The following SNTB2 variants were observed in gnomAD, a reference collection of about 807,000 sequenced individuals.
The protein encoded by SNTB2 is beta-2-syntrophin.
Under a neutral mutation model 46.2 loss-of-function variants are expected in SNTB2, and 34 were observed. The observed-to-expected ratio is 0.74, with a 90% confidence interval of 0.56 to 0.98. SNTB2 has a LOEUF of 0.98. Ranked by LOEUF, SNTB2 falls within the 50% of genes least tolerant of loss-of-function variation. The pLI is 0.00. For synonymous variants in SNTB2, 290 were observed against 312.6 expected (o/e 0.93, Z 0.76); for missense variants, 603 against 731.4 (o/e 0.82, Z 2.02).
rs115316115 is a variant in SNTB2, at chr16:69,207,270, C to T, written c.580+19524C>T. On this transcript the variant is annotated intron_variant, in intron 1 of 6. Coordinates refer to ENST00000336278, the MANE Select transcript of SNTB2 (RefSeq NM_006750.4). ...ACTGGTTCAAGTGATTCTCCTGCCT[C>T]GGCTTCCCGAGTAGCTTGGACTATA... is the stretch of plus-strand genomic sequence containing the variant. 4.8e-3 allele frequency among the ~76,000 whole-genome samples: 726 copies of T among 151,424 alleles called. 3 individuals carry two copies. The highest frequency in any genetic ancestry group is 0.017 in the African/African-American group (708 of 41,196).
intron 5 of SNTB2, among the ~76,000 whole-genome samples, chr16:69,293,522 A>T (rs747099870): frequency 4.6e-5 from 7 of 152,208 alleles, no homozygotes; most frequent in Non-Finnish European, 1.0e-4. Flanking sequence ...GGCAGATTGC[A>T]GAGGTCTGAG....
At chr16:69,195,582 G>A (rs1033963371) in intron 1 of SNTB2, among the ~76,000 whole-genome samples, 1 of 151,986 alleles carries the variant, frequency 6.6e-6, no homozygotes, top group Non-Finnish European at 1.5e-5. Flanking sequence ...GGGATCCAAA[G>A]GCTCAAATTA....
chr16:69,286,835 A>C (rs1218406524), intron 5 of SNTB2, among the ~76,000 whole-genome samples: 1 of 152,148 alleles, frequency 6.6e-6, no homozygotes, highest in Non-Finnish European at 1.5e-5. Flanking sequence ...CAAGCCTGTG[A>C]ATAGCCACTG....
chr16:69,284,049 T>C lies in SNTB2; in HGVS notation c.1150T>C (p.Leu384=), dbSNP rs1965076036. 1.2e-6 allele frequency: 2 copies of C among 1,609,896 alleles called. No individual in the cohort carries two copies. Among genetic ancestry groups the C allele is most frequent in the Non-Finnish European group, 1.7e-6 (2 of 1,177,336 alleles). Reference sequence around the variant, plus strand: ...TCTCTGCTCTGTTTGTGGTCCTAGGTTGGTTCATTCTGGCTCCGGATGTCG... The same window carrying C: ...TCTCTGCTCTGTTTGTGGTCCTAGGCTGGTTCATTCTGGCTCCGGATGTCG... ...CHSYPLVATR[L]VHSGSGCRSP... Residue 384 remains leucine (L), a splice_region_variant and synonymous_variant, in exon 5 of 7, where the codon TTG becomes CTG. Transcript: ENST00000336278.
chr16:69,259,706 C>A (rs985572851), intron 2 of SNTB2, among the ~76,000 whole-genome samples: 17 of 148,926 alleles, frequency 1.1e-4, no homozygotes, highest in African/African-American at 3.2e-4. Flanking sequence ...TGGGGTCAAG[C>A]GATTCTCCTG....
At position 69,291,727 on chromosome 16, in the gene SNTB2, A is replaced by G. The variant is rs554943838; in HGVS notation, c.1345+7483A>G. ...CTGTCTCTAAAGAAAATAAAAATAA[A>G]AAATAAATAAAATAAGCCTGGGCAA... is the stretch of plus-strand genomic sequence containing the variant. On this transcript the variant is annotated intron_variant, in intron 5 of 6. Transcript: ENST00000336278. Among the ~76,000 whole-genome samples, 92 of 152,194 alleles carry G rather than the reference A, an allele frequency of 6.0e-4. 1 individual carries two copies. Among genetic ancestry groups the G allele is most frequent in the Admixed American group, 5.4e-3 (82 of 15,256 alleles).
intron 2 of SNTB2, among the ~76,000 whole-genome samples, chr16:69,256,537 C>T (rs1964778337): frequency 6.6e-6 from 1 of 152,172 alleles, no homozygotes; most frequent in African/African-American, 2.4e-5. Flanking sequence ...TGTGAGTTTG[C>T]TCTAGATACT....
intron 3 of SNTB2, 50 bp downstream of exon 3, chr16:69,260,310 G>A (rs759846889): frequency 6.5e-7 from 1 of 1,540,152 alleles, no homozygotes; most frequent in Non-Finnish European, 8.9e-7. Context: ...TTCAGTGCCA[G>A]GATGGTTCCT....
At chr16:69,246,010 GAC>G (rs1279514418) in intron 2 of SNTB2, among the ~76,000 whole-genome samples, 195 bp downstream of exon 2, 2 of 152,104 alleles carry the variant, frequency 1.3e-5, no homozygotes, top group African/African-American at 4.8e-5. Flanking sequence ...ATTTTGAACA[GAC>G]ACACAAGAAA....
intron 1 of SNTB2, 75 bp from the exon 2 acceptor site, chr16:69,245,527 A>C: frequency 7.3e-7 from 1 of 1,363,982 alleles, no homozygotes. Context: ...TATAGCATGT[A>C]TGTGAATACT....
intron 4 of SNTB2, among the ~76,000 whole-genome samples, chr16:69,270,495 T>TTATAATGAGCGTTTTATAA (rs1964927687): frequency 6.6e-6 from 1 of 152,242 alleles, no homozygotes; most frequent in African/African-American, 2.4e-5. Flanking sequence ...ATGAGCGTTT[T>TTATAATGAGCGTTTTATAA]TGTGTGTACC....
At chr16:69,228,694 G>A (rs1964480539) in intron 1 of SNTB2, among the ~76,000 whole-genome samples, 1 of 151,862 alleles carries the variant, frequency 6.6e-6, no homozygotes, top group South Asian at 2.1e-4. Flanking sequence ...TATTAATTAT[G>A]TACATACACA....
At chr16:69,268,265 A>T (rs977610706) in intron 3 of SNTB2, among the ~76,000 whole-genome samples, 3 of 151,790 alleles carry the variant, frequency 2.0e-5, no homozygotes, top group Admixed American at 1.3e-4. Flanking sequence ...AGAGTTCGAG[A>T]CCAGTATGGC....
intron 1 of SNTB2, among the ~76,000 whole-genome samples, chr16:69,198,896 GTTT>G (rs1206371769): frequency 6.3e-5 from 8 of 127,662 alleles, no homozygotes; most frequent in Non-Finnish European, 5.0e-5. Context: ...ATATAATAAT[GTTT>G]TTTTTTTTTT....
chr16:69,268,257 A>G (rs1964905472), intron 3 of SNTB2, among the ~76,000 whole-genome samples: 1 of 152,138 alleles, frequency 6.6e-6, no homozygotes, highest in Admixed American at 6.5e-5. Flanking sequence ...TGAGGTCAAG[A>G]GTTCGAGACC....
At chr16:69,270,103 T>A in intron 3 of SNTB2, 40 bp from the exon 4 acceptor site, 4 of 1,613,122 alleles carry the variant, frequency 2.5e-6, no homozygotes, top group Non-Finnish European at 3.4e-6. Flanking sequence ...AAGACGTGAT[T>A]ATAGTTAGCC....
chr16:69,252,868 A>T (rs1964738699), intron 2 of SNTB2, among the ~76,000 whole-genome samples: 1 of 150,730 alleles, frequency 6.6e-6, no homozygotes, highest in Non-Finnish European at 1.5e-5. Flanking sequence ...TTAAAATAGC[A>T]GTAGGCTTTA....
chr16:69,211,741 G>A (rs1188745885), intron 1 of SNTB2, among the ~76,000 whole-genome samples: 1 of 152,116 alleles, frequency 6.6e-6, no homozygotes, highest in Non-Finnish European at 1.5e-5. Context: ...CCTGAGGGTG[G>A]GACTCCCTTA....
At chr16:69,206,609 T>TA (rs1964221964) in intron 1 of SNTB2, among the ~76,000 whole-genome samples, 1 of 150,948 alleles carries the variant, frequency 6.6e-6, no homozygotes, top group Admixed American at 6.6e-5. Context: ...GAGAATCGCT[T>TA]GAACCTGGAA....
Sources: allele counts gnomAD v4.1 joint callset (sites outside exome capture counted in the v4.1 genomes callset), GRCh38; gene constraint gnomAD v4.1.1; transcripts MANE v1.5; gene names NCBI Gene and HGNC (gene_info 2026-07-23, HGNC 2026-07-21).